TMCO4: variants seen among roughly 807,000 people sequenced by gnomAD.
The protein encoded by TMCO4 is transmembrane and coiled-coil domain-containing protein 4.
TMCO4 carries 58 observed loss-of-function variants against 64.7 expected under a neutral mutation model. The ratio of observed to expected loss-of-function variants is 0.90; its 90% CI spans 0.73 to 1.12. TMCO4 has a LOEUF of 1.12. Among genes scored for constraint, TMCO4 ranks in the 50% most tolerant of loss-of-function variants. TMCO4 has a pLI of 0.00. For synonymous variants in TMCO4, 325 were observed against 346.1 expected (o/e 0.94, Z 0.68); for missense variants, 780 against 825.9 (o/e 0.94, Z 0.68).
chr1:19,682,796 A>T lies in TMCO4; in HGVS notation c.*244T>A. On this transcript the variant is annotated 3_prime_UTR_variant, in exon 16 of 16. Coordinates refer to ENST00000294543, the MANE Select transcript of TMCO4 (RefSeq NM_181719.7). ...GCTTGGTTGACTCTGCAGGTCTCTG[A>T]TGAGGGGGCAGCTGCTCCCTGGTGG... 1 of 718,264 alleles carries T rather than the reference A, an allele frequency of 1.4e-6. No homozygotes were observed. Among genetic ancestry groups the T allele is most frequent in the Non-Finnish European group, 2.6e-6 (1 of 387,472 alleles). The allele number at this position is 718,264 out of a possible 1,614,324, so 44.5% of individuals were successfully genotyped here.
intron 15 of TMCO4, among the ~76,000 whole-genome samples, chr1:19,684,055 C>A (rs2095126870): frequency 7.1e-6 from 1 of 140,126 alleles, no homozygotes; most frequent in African/African-American, 2.8e-5. Flanking sequence ...AGCCACTGTG[C>A]CCGGCAGCTT....
At chr1:19,784,891 T>C (rs979710571) in intron 3 of TMCO4, among the ~76,000 whole-genome samples, 1 of 146,582 alleles carries the variant, frequency 6.8e-6, no homozygotes, top group African/African-American at 2.5e-5. Flanking sequence ...AACCTCATAA[T>C]GTTTTAAGAA....
intron 4 of TMCO4, among the ~76,000 whole-genome samples, chr1:19,778,244 A>ATATTTATTTATT (rs142603109): frequency 6.8e-6 from 1 of 146,286 alleles, no homozygotes; most frequent in Non-Finnish European, 1.5e-5. Context: ...CTCATTATTT[A>ATATTTATTTATT]TATTTATTTA....
Position 19,682,499 on chromosome 1 carries a change from G to T in TMCO4, c.*541C>A. The T allele has an allele frequency of 3.0e-6, 2 of 668,532 alleles. No individual in the cohort carries two copies. The highest frequency in any genetic ancestry group is 5.5e-6 in the Non-Finnish European group (2 of 360,604). 41.4% of individuals were successfully genotyped at this position (668,532 alleles called of 1,614,324 possible). A position where few individuals can be genotyped will look rare whatever the true frequency, so the allele number is the denominator to read the frequency against. On this transcript the variant is annotated 3_prime_UTR_variant, in exon 16 of 16. Coordinates refer to ENST00000294543, the MANE Select transcript of TMCO4 (RefSeq NM_181719.7). Reference sequence around the variant, plus strand: ...ATGGCTGTACAGGGCAGATCTGATTGGATCTCCTAAGAGCAGGAGTGAGCT... The same window carrying T: ...ATGGCTGTACAGGGCAGATCTGATTTGATCTCCTAAGAGCAGGAGTGAGCT...
At position 19,729,638 on chromosome 1, in the gene TMCO4, C is replaced by T. The variant is rs1245554410; in HGVS notation, c.1264+7734G>A. On this transcript the variant is annotated intron_variant, in intron 13 of 15. Coordinates refer to ENST00000294543, the MANE Select transcript of TMCO4 (RefSeq NM_181719.7). The stretch of plus-strand genomic sequence containing the variant: ...AAAATTAGCTGGGTGTGGTGGTGTG[C>T]ACCTGTAATCCCAGCTATTTGGGAG... Among the ~76,000 whole-genome samples, 3 of 151,880 alleles carry T rather than the reference C, an allele frequency of 2.0e-5. No individual in the cohort carries two copies. The East Asian group carries it at 5.9e-4, about 30-fold the overall frequency.
intron 2 of TMCO4, among the ~76,000 whole-genome samples, chr1:19,797,043 G>A (rs1028062435): frequency 2.0e-5 from 3 of 152,180 alleles, no homozygotes; most frequent in African/African-American, 7.2e-5. Context: ...CCTGTGTGCT[G>A]AATGAAACAA....
At chr1:19,778,935 G>A (rs925076688) in intron 4 of TMCO4, among the ~76,000 whole-genome samples, 1 of 152,170 alleles carries the variant, frequency 6.6e-6, no homozygotes, top group Non-Finnish European at 1.5e-5. Flanking sequence ...TTGCAGAGAT[G>A]GGTCGCTGGG....
chr1:19,789,956 G>C (rs1057024447), intron 2 of TMCO4, among the ~76,000 whole-genome samples: 2 of 151,490 alleles, frequency 1.3e-5, no homozygotes, highest in African/African-American at 4.9e-5. Flanking sequence ...GGGAGGGTGA[G>C]GTGGGAGAAT....
At chr1:19,771,255 G>T in intron 5 of TMCO4, 53 bp downstream of exon 5, 1 of 1,561,280 alleles carries the variant, frequency 6.4e-7, no homozygotes, top group South Asian at 1.2e-5. Flanking sequence ...AACATTGAAA[G>T]AAAATGATTT....
intron 7 of TMCO4, 74 bp downstream of exon 7, chr1:19,755,560 G>C (rs1255097338): frequency 5.0e-6 from 8 of 1,585,798 alleles, no homozygotes; most frequent in Non-Finnish European, 6.9e-6. Context: ...AAGGGAGAAG[G>C]GGACTCTGTT....
intron 6 of TMCO4, among the ~76,000 whole-genome samples, chr1:19,758,629 C>T (rs1243062898): frequency 3.3e-5 from 5 of 152,072 alleles, no homozygotes; most frequent in Non-Finnish European, 7.4e-5. Flanking sequence ...AGCCAGGGTT[C>T]GTAGTTTAAG....
intron 7 of TMCO4, among the ~76,000 whole-genome samples, chr1:19,752,541 C>T (rs1389455180): frequency 1.3e-5 from 2 of 152,228 alleles, no homozygotes; most frequent in East Asian, 3.8e-4. Flanking sequence ...CTCACCACCA[C>T]CTTCTGTTTT....
chr1:19,794,470 T>C (rs142061694), intron 2 of TMCO4, among the ~76,000 whole-genome samples: 12 of 152,290 alleles, frequency 7.9e-5, no homozygotes, highest in African/African-American at 2.6e-4. Context: ...CAGCGACAAA[T>C]GTGCCTGAGA....
chr1:19,701,737 G>A (rs573587251), intron 13 of TMCO4, among the ~76,000 whole-genome samples: 1 of 152,106 alleles, frequency 6.6e-6, no homozygotes, highest in Non-Finnish European at 1.5e-5. Context: ...AGTGGGGGGT[G>A]AAGAGGAGAG....
intron 6 of TMCO4, among the ~76,000 whole-genome samples, chr1:19,757,156 T>TGGGGG (rs201093840): frequency 9.8e-6 from 1 of 102,374 alleles, no homozygotes; most frequent in African/African-American, 3.8e-5. Context: ...CCAGGCGTGG[T>TGGGGG]GGCGGGGGGG....
chr1:19,734,090 G>T lies in TMCO4; in HGVS notation c.1264+3282C>A, dbSNP rs1260625684. Among the ~76,000 whole-genome samples, 1 of 152,214 alleles carries T rather than the reference G, an allele frequency of 6.6e-6. No homozygotes were observed. The highest frequency in any genetic ancestry group is 2.4e-5 in the African/African-American group (1 of 41,450). ...TATCATCATTATTATTGGAGGGAAAGCTTCCAGACACAGTGAGACCTGAGA... is the reference window on the plus strand; with the variant it reads ...TATCATCATTATTATTGGAGGGAAATCTTCCAGACACAGTGAGACCTGAGA... On this transcript the variant is annotated intron_variant, in intron 13 of 15. Transcript: ENST00000294543. This position sits in a 1 kb window ranked among gnomAD's most constrained non-coding sequence, Gnocchi z 4.4.
intron 13 of TMCO4, among the ~76,000 whole-genome samples, chr1:19,716,738 C>T (rs1433059011): frequency 6.6e-6 from 1 of 152,132 alleles, no homozygotes; most frequent in Non-Finnish European, 1.5e-5. Context: ...TCCAGGCTGG[C>T]CGTGCAGATG....
At chr1:19,754,772 C>A (rs892501579) in intron 7 of TMCO4, among the ~76,000 whole-genome samples, 2 of 152,196 alleles carry the variant, frequency 1.3e-5, no homozygotes, top group Admixed American at 6.5e-5. Context: ...AACTCTACAA[C>A]TGATGGGTCC....
chr1:19,683,956 T>C (rs774826297), intron 15 of TMCO4, among the ~76,000 whole-genome samples: 2 of 151,464 alleles, frequency 1.3e-5, no homozygotes, highest in Non-Finnish European at 2.9e-5. Flanking sequence ...GAGAAGGGGT[T>C]TCACCATATT....
Sources: allele counts gnomAD v4.1 joint callset (sites outside exome capture counted in the v4.1 genomes callset), GRCh38; gene constraint gnomAD v4.1.1; non-coding constraint Gnocchi (gnomAD v3.1); transcripts MANE v1.5; gene names NCBI Gene and HGNC (gene_info 2026-07-23, HGNC 2026-07-21).